CIMIP2B: variants seen among roughly 807,000 people sequenced by gnomAD.
CIMIP2B encodes the protein family with sequence similarity 166 member B.
chr9:35,562,272 A>G, the CIMIP2B span: 1 of 1,085,996 alleles, frequency 9.2e-7, no homozygotes, highest in Non-Finnish European at 1.3e-6. Flanking sequence ...ACATGATCTG[A>G]GCCCTCCCAT....
chr9:35,563,389 C>G, the CIMIP2B span: 1 of 1,605,602 alleles, frequency 6.2e-7, no homozygotes, highest in East Asian at 2.2e-5. Flanking sequence ...GTCCAGTGTA[C>G]CTGCAGCACA....
At chr9:35,562,071 G>A in the CIMIP2B span, 7 of 1,535,380 alleles carry the variant, frequency 4.6e-6, no homozygotes, top group Admixed American at 5.9e-5. Flanking sequence ...ATGGCCAAAT[G>A]TGTGGCCAAA....
chr9:35,562,560 CAT>C, the CIMIP2B span: 1 of 1,595,190 alleles, frequency 6.3e-7, no homozygotes, highest in Non-Finnish European at 8.5e-7. Flanking sequence ...GCGCAGGGCA[CAT>C]AGCCAGTGAA....
At chr9:35,563,541 C>T in the CIMIP2B span, among the ~76,000 whole-genome samples, 1 of 152,196 alleles carries the variant, frequency 6.6e-6, no homozygotes, top group Admixed American at 6.5e-5. Flanking sequence ...GGCTTTCGAT[C>T]CTTCCTCTGC....
the CIMIP2B span, chr9:35,563,856 C>G: frequency 6.2e-7 from 1 of 1,609,484 alleles, no homozygotes; most frequent in Non-Finnish European, 8.5e-7. Context: ...CTTTTGTTTG[C>G]CTTTGAGCCA....
the CIMIP2B span, chr9:35,563,016 CAG>C: frequency 6.2e-7 from 1 of 1,614,020 alleles, no homozygotes; most frequent in Middle Eastern, 1.6e-4. Flanking sequence ...TAAAGTCACT[CAG>C]AGCCTCGGCC....
chr9:35,561,927 ACCCT>A, the CIMIP2B span: 10 of 200,422 alleles, frequency 5.0e-5, no homozygotes, highest in Non-Finnish European at 8.5e-5. Context: ...CCACCCTCCC[ACCCT>A]CCCACCCACC....
chr9:35,562,798 C>G, the CIMIP2B span: 1 of 1,607,698 alleles, frequency 6.2e-7, no homozygotes, highest in Non-Finnish European at 8.5e-7. Context: ...ACTACTCATG[C>G]TGCCCCCACT....
chr9:35,563,253 G>A, the CIMIP2B span: 1 of 1,613,988 alleles, frequency 6.2e-7, no homozygotes, highest in Non-Finnish European at 8.5e-7. Flanking sequence ...GGAGATCTTG[G>A]AGGCCGAATG....
chr9:35,563,421 C>T, the CIMIP2B span: 69 of 1,509,292 alleles, frequency 4.6e-5, no homozygotes, highest in South Asian at 5.9e-5. Context: ...TCACCAGAAT[C>T]GCCCTGCCCC....
chr9:35,563,602 G>A, the CIMIP2B span, among the ~76,000 whole-genome samples: 10 of 152,256 alleles, frequency 6.6e-5, 1 homozygote, highest in South Asian at 1.2e-3. Flanking sequence ...GGGCAGACCC[G>A]GTGTCTCACT....
the CIMIP2B span, chr9:35,562,567 A>G: frequency 1.3e-6 from 2 of 1,598,886 alleles, no homozygotes; most frequent in East Asian, 4.5e-5. Flanking sequence ...GCACATAGCC[A>G]GTGAAGCCTG....
At chr9:35,562,008 T>C in the CIMIP2B span, 1 of 1,319,748 alleles carries the variant, frequency 7.6e-7, no homozygotes, top group Non-Finnish European at 9.8e-7. Flanking sequence ...TCCAGTGGCC[T>C]AAGCCAAGAG....
At chr9:35,563,817 G>A in the CIMIP2B span, 83 of 1,614,006 alleles carry the variant, frequency 5.1e-5, no homozygotes, top group East Asian at 1.4e-3. Flanking sequence ...TGAAGGTGCT[G>A]GCCACAGCCA....
At chr9:35,563,576 A>C in the CIMIP2B span, among the ~76,000 whole-genome samples, 1 of 152,198 alleles carries the variant, frequency 6.6e-6, no homozygotes, top group East Asian at 1.9e-4. Context: ...CATGGAGAGA[A>C]CAACACAAAG....
At chr9:35,562,207 C>T in the CIMIP2B span, 2 of 1,029,126 alleles carry the variant, frequency 1.9e-6, no homozygotes, top group South Asian at 1.7e-5. Context: ...GCCCTAATTC[C>T]CCACTGTGGG....
the CIMIP2B span, chr9:35,563,107 C>T: frequency 3.7e-6 from 6 of 1,613,456 alleles, no homozygotes; most frequent in South Asian, 3.3e-5. Flanking sequence ...AAGGAAGACT[C>T]GTTAGTGTTT....
chr9:35,562,127 C>T, the CIMIP2B span: 1 of 1,460,388 alleles, frequency 6.8e-7, no homozygotes, highest in Non-Finnish European at 9.2e-7. Flanking sequence ...TCACATGTAG[C>T]AAGTGGCATG....
chr9:35,562,156 C>A, the CIMIP2B span: 2 of 1,320,868 alleles, frequency 1.5e-6, no homozygotes, highest in South Asian at 1.4e-5. Flanking sequence ...ATTTAATTCT[C>A]AGCCAGTTGG....
Sources: allele counts gnomAD v4.1 joint callset (sites outside exome capture counted in the v4.1 genomes callset), GRCh38; gene constraint gnomAD v4.1.1; transcripts MANE v1.5; gene names NCBI Gene and HGNC (gene_info 2026-07-23, HGNC 2026-07-21).